Variants in GNAI1 observed in about 807,000 individuals in gnomAD.
GNAI1 encodes G protein subunit alpha i1, also known as guanine nucleotide-binding protein G(i) subunit alpha-1.
In GNAI1, 11 loss-of-function variants were observed where a neutral mutation model predicts 38.9. The observed-to-expected ratio is 0.28, with a 90% confidence interval of 0.18 to 0.47. The LOEUF (loss-of-function observed/expected upper bound fraction) is 0.47. GNAI1 is among the 20% of genes least tolerant of loss of function. The probability of loss-of-function intolerance (pLI) is 0.99; values close to 1 mark genes in which losing one functional copy is unlikely to be tolerated. For synonymous variants in GNAI1, 166 were observed against 145.1 expected, an observed-to-expected ratio of 1.14 and a Z score of -1.04; for missense variants, 317 against 436.9, an observed-to-expected ratio of 0.73 and a Z score of 2.45.
chr7:80,214,212 TTTAC>T (rs1382625716), intron 7 of GNAI1, among the ~76,000 whole-genome samples: 1 of 152,222 alleles, frequency 6.6e-6, no homozygotes, highest in Non-Finnish European at 1.5e-5. Context: ...ATTTCACACA[TTTAC>T]TTACTTTAAA....
intron 1 of GNAI1, among the ~76,000 whole-genome samples, chr7:80,163,913 A>G (rs1358186294): frequency 6.7e-6 from 1 of 150,322 alleles, no homozygotes; most frequent in Non-Finnish European, 1.5e-5. Flanking sequence ...TCTTATCAAA[A>G]CAGAACTGAC....
intron 1 of GNAI1, among the ~76,000 whole-genome samples, chr7:80,185,524 G>T (rs1242883827): frequency 1.3e-5 from 2 of 152,040 alleles, no homozygotes; most frequent in Admixed American, 1.3e-4. Context: ...TTCGTTGACC[G>T]TTCAATCTGT....
At chr7:80,217,228 A>ATGAAACTGACTTCAGTTTCATATGTG (rs1788987747) in intron 7 of GNAI1, 75 bp from the exon 8 acceptor site, 11 of 988,066 alleles carry the variant, frequency 1.1e-5, no homozygotes, top group East Asian at 2.5e-5. Context: ...TTTCATATGT[A>ATGAAACTGACTTCAGTTTCATATGTG]TGAAACTGAA....
rs1346437326 is a variant in GNAI1, at chr7:80,219,089, A to G, written c.*1596A>G. On this transcript the variant is annotated 3_prime_UTR_variant, in exon 8 of 8. Transcript: ENST00000649796. ...CATAAACTATATTCATATCTGTTTC[A>G]TTTGGAGGATTTTCTTCTTTGTAAT... The G allele has an allele frequency of 6.8e-6, 1 of 146,012 alleles. No individual in the cohort carries two copies. The highest frequency in any genetic ancestry group is 2.5e-5 in the African/African-American group (1 of 39,338). 9.0% of individuals were successfully genotyped at this position (146,012 alleles called of 1,614,324 possible). A position where few individuals can be genotyped will look rare whatever the true frequency, so the allele number is the denominator to read the frequency against.
intron 1 of GNAI1, among the ~76,000 whole-genome samples, chr7:80,157,890 G>A (rs1421632907): frequency 6.6e-6 from 1 of 151,954 alleles, no homozygotes; most frequent in African/African-American, 2.4e-5. Flanking sequence ...TGTATTTTTA[G>A]TAGAGATGGG....
rs71518978 is a variant in GNAI1 at position 80,221,636 on chromosome 7, CTTTT to C, written c.*4165_*4168del. On this transcript the variant is annotated 3_prime_UTR_variant, in exon 8 of 8. Coordinates refer to ENST00000649796, the MANE Select transcript of GNAI1 (RefSeq NM_002069.6). ...ATTTTAATGTTAGGTTGGAAATTTT[CTTTT>C]TTTTTTTTTTTTTTTTTTTTTGGTA... 0.19 allele frequency among the ~76,000 whole-genome samples: 18,209 copies of C among 94,728 alleles called. 1,407 individuals are homozygous for C. The highest frequency in any genetic ancestry group is 0.32 in the South Asian group (890 of 2,784). 62.1% of individuals were successfully genotyped at this position (94,728 alleles called of 152,430 possible). A position where few individuals can be genotyped will look rare whatever the true frequency, so the allele number is the denominator to read the frequency against.
In GNAI1 at chr7:80,219,108, T is replaced by C. The variant is rs1389849287; in HGVS notation, c.*1615T>C. 1 of 152,286 alleles carries C rather than the reference T, an allele frequency of 6.6e-6. No individual in the cohort carries two copies. The highest frequency in any genetic ancestry group is 1.5e-5 in the Non-Finnish European group (1 of 67,966). 9.4% of individuals were successfully genotyped at this position (152,286 alleles called of 1,614,324 possible). A position where few individuals can be genotyped will look rare whatever the true frequency, so the allele number is the denominator to read the frequency against. On this transcript the variant is annotated 3_prime_UTR_variant, in exon 8 of 8. Coordinates refer to ENST00000649796, the MANE Select transcript of GNAI1 (RefSeq NM_002069.6). ...TGTTTCATTTGGAGGATTTTCTTCTTTGTAATGTAAAGAAATTCAAAGTTA... is the reference window on the plus strand; with the variant it reads ...TGTTTCATTTGGAGGATTTTCTTCTCTGTAATGTAAAGAAATTCAAAGTTA...
chr7:80,178,568 A>G (rs556594558), intron 1 of GNAI1, among the ~76,000 whole-genome samples: 12 of 152,336 alleles, frequency 7.9e-5, no homozygotes, highest in African/African-American at 2.9e-4. Flanking sequence ...GCAGAAGATG[A>G]TGACTCGCTG....
intron 5 of GNAI1, among the ~76,000 whole-genome samples, chr7:80,210,451 C>A (rs1584053758): frequency 6.6e-6 from 1 of 152,078 alleles, no homozygotes; most frequent in African/African-American, 2.4e-5. Flanking sequence ...CATTTTCTTA[C>A]CTGAAATGGT....
chr7:80,203,317 A>G (rs17245731), intron 4 of GNAI1, among the ~76,000 whole-genome samples: 30,890 of 152,118 alleles, frequency 0.2, 3,490 homozygotes, highest in South Asian at 0.24. Context: ...TAAAAAAAGA[A>G]TGATGTCTGG....
At chr7:80,208,003 A>G (rs957982000) in intron 5 of GNAI1, among the ~76,000 whole-genome samples, 7 of 152,134 alleles carry the variant, frequency 4.6e-5, no homozygotes, top group African/African-American at 1.4e-4. Flanking sequence ...AGTAGTATAA[A>G]TGCGTTATGC....
intron 7 of GNAI1, among the ~76,000 whole-genome samples, chr7:80,213,794 C>G (rs1788912986): frequency 6.6e-6 from 1 of 151,608 alleles, no homozygotes; most frequent in Non-Finnish European, 1.5e-5. Flanking sequence ...ATCTCCAAAT[C>G]TAGATAGTTT....
At chr7:80,149,109 T>A (rs1444750954) in intron 1 of GNAI1, among the ~76,000 whole-genome samples, 1 of 152,154 alleles carries the variant, frequency 6.6e-6, no homozygotes, top group African/African-American at 2.4e-5. Flanking sequence ...AAATTTCTTT[T>A]CTCGATGTAT....
rs1463210709 is a variant in GNAI1 at position 80,224,157 on chromosome 7, CATAA to C, written c.*6668_*6671del. On this transcript the variant is annotated 3_prime_UTR_variant, in exon 8 of 8. Transcript: ENST00000649796. ...CATTATTTAAAATATGTTAGAGATA[CATAA>C]ATATATAGAGAAAATGCATACATAC... Among the ~76,000 whole-genome samples the C allele has an allele frequency of 6.6e-6, 1 of 152,130 alleles. No homozygotes were observed. The highest frequency in any genetic ancestry group is 2.4e-5 in the African/African-American group (1 of 41,424).
rs1465590833 is a variant in GNAI1, at chr7:80,218,365, T to C, written c.*872T>C. ...CATTGCCTCAAAGGTGATGTCATCT[T>C]AATTTTTATTCACTTTAAATAACTA... On this transcript the variant is annotated 3_prime_UTR_variant, in exon 8 of 8. Coordinates refer to ENST00000649796, the MANE Select transcript of GNAI1 (RefSeq NM_002069.6). The C allele has an allele frequency of 6.6e-6, 1 of 152,118 alleles. No individual in the cohort carries two copies. Among genetic ancestry groups the C allele is most frequent in the Non-Finnish European group, 1.5e-5 (1 of 67,984 alleles). The allele number at this position is 152,118 out of a possible 1,614,324, so 9.4% of individuals were successfully genotyped here. A position where few individuals can be genotyped will look rare whatever the true frequency, so the allele number is the denominator to read the frequency against.
At chr7:80,148,425 G>T (rs1218855538) in intron 1 of GNAI1, among the ~76,000 whole-genome samples, 1 of 152,016 alleles carries the variant, frequency 6.6e-6, no homozygotes, top group Middle Eastern at 3.4e-3. Flanking sequence ...TTGGAGAATC[G>T]GTAGGACTTA....
chr7:80,204,437 C>G lies in GNAI1; in HGVS notation c.590+605C>G, dbSNP rs80340875. On this transcript the variant is annotated intron_variant, in intron 5 of 7. Coordinates refer to ENST00000649796, the MANE Select transcript of GNAI1 (RefSeq NM_002069.6). The stretch of plus-strand genomic sequence containing the variant: ...CTTGGAGTGCATATTTTTCCAGTTC[C>G]CTCATTTTAAGATGAACGAGGCTCA... 3.5e-3 allele frequency among the ~76,000 whole-genome samples: 525 copies of G among 152,076 alleles called. 6 individuals are homozygous for G. The highest frequency in any genetic ancestry group is 0.012 in the African/African-American group (506 of 41,502).
At chr7:80,135,708 TTG>T (rs1458485453) in intron 1 of GNAI1, 1 of 484,826 alleles carries the variant, frequency 2.1e-6, no homozygotes, top group Non-Finnish European at 2.5e-6. Context: ...GCGGTGTAGG[TTG>T]TGTTTCGACT....
intron 1 of GNAI1, among the ~76,000 whole-genome samples, chr7:80,171,324 CTG>C (rs933882864): frequency 1.3e-5 from 2 of 152,098 alleles, no homozygotes; most frequent in African/African-American, 4.8e-5. Context: ...CTTTAGGTCT[CTG>C]TGTGTCAATG....
Sources: allele counts gnomAD v4.1 joint callset (sites outside exome capture counted in the v4.1 genomes callset), GRCh38; gene constraint gnomAD v4.1.1; transcripts MANE v1.5; gene names NCBI Gene and HGNC (gene_info 2026-07-23, HGNC 2026-07-21).